MAOA: variants seen among roughly 807,000 people sequenced by gnomAD.
The protein encoded by MAOA is amine oxidase [flavin-containing] A.
Under a neutral mutation model 42.0 loss-of-function variants are expected in MAOA, and 6 were observed. The observed-to-expected ratio is 0.14, with a 90% CI of 0.08 to 0.28. MAOA has a LOEUF of 0.28. Ranked by LOEUF, MAOA falls within the 10% of genes least tolerant of loss-of-function variation. The probability of loss-of-function intolerance (pLI) is 1.00; values close to 1 mark genes in which losing one functional copy is unlikely to be tolerated. For missense variants in MAOA, 262 were observed against 422.3 expected (o/e 0.62, Z 3.33); for synonymous variants, 140 against 154.0 (o/e 0.91, Z 0.67).
intron 1 of MAOA, among the ~76,000 whole-genome samples, chrX:43,664,255 A>G (rs917100150): frequency 8.9e-6 from 1 of 112,434 alleles, no homozygotes; most frequent in Admixed American, 9.4e-5. Flanking sequence ...CATGTTTTGA[A>G]AAGAAAGAAT....
intron 1 of MAOA, among the ~76,000 whole-genome samples, chrX:43,658,460 C>A (rs986233558): frequency 5.4e-5 from 6 of 111,682 alleles, no homozygotes; most frequent in Non-Finnish European, 7.5e-5. Context: ...AAATAAATAA[C>A]CAGTTTCATA....
At chrX:43,665,117 C>T (rs953443753) in intron 1 of MAOA, among the ~76,000 whole-genome samples, 2 of 112,080 alleles carry the variant, frequency 1.8e-5, no homozygotes, top group African/African-American at 6.5e-5. Context: ...ACATGCTCAG[C>T]TTGTGCTCTG....
chrX:43,706,044 T>C (rs2033656916), intron 3 of MAOA, among the ~76,000 whole-genome samples: 1 of 111,883 alleles, frequency 8.9e-6, no homozygotes, highest in African/African-American at 3.2e-5. Context: ...CTTTGGAAAA[T>C]AGTTTGGCAG....
At chrX:43,706,342 A>AT (rs1569196365) in intron 3 of MAOA, among the ~76,000 whole-genome samples, 2 of 112,164 alleles carry the variant, frequency 1.8e-5, no homozygotes, top group Non-Finnish European at 3.8e-5. Flanking sequence ...GAGGAAAACT[A>AT]TTTTTTTAAA....
At chrX:43,707,436 G>A (rs967541193) in intron 3 of MAOA, among the ~76,000 whole-genome samples, 9 of 111,560 alleles carry the variant, frequency 8.1e-5, no homozygotes, top group African/African-American at 2.9e-4. Context: ...CATTTGAGTG[G>A]GACTGTTAAA....
At position 43,728,184 on chromosome X, in the gene MAOA, G is replaced by T; in HGVS notation, c.515G>T (p.Arg172Leu). The T allele has an allele frequency of 8.3e-7, 1 of 1,210,514 alleles. No homozygotes were observed. Among genetic ancestry groups the T allele is most frequent in the Non-Finnish European group, 1.1e-6 (1 of 894,552 alleles). The change falls in exon 6 of 15, where the codon CGG becomes CTG. Residue 172 changes from arginine to leucine, a missense_variant. Around this residue, in one of 3 missense-constraint regions of MAOA, gnomAD observed 141 missense variants for 195.6 expected, o/e 0.72. Coordinates refer to ENST00000338702, the MANE Select transcript of MAOA (RefSeq NM_000240.4). ...TGTTCTATGAACAGGACTGCTAGGC[G>T]GTTTGCTTATCTTTTTGTGAATATC... ...DKICWTKTAR[R>L]FAYLFVNINV...
intron 1 of MAOA, among the ~76,000 whole-genome samples, chrX:43,656,762 CTG>C (rs2033183540): frequency 9.0e-6 from 1 of 110,965 alleles, no homozygotes; most frequent in South Asian, 3.8e-4. Flanking sequence ...AACCAAGAAA[CTG>C]AGGTCTGGGG....
chrX:43,736,386 A>C (rs2033920332), intron 10 of MAOA, 106 bp downstream of exon 10: 1 of 504,821 alleles, frequency 2.0e-6, no homozygotes. Context: ...CTTCACAAAT[A>C]TTCTCAAAAT....
chrX:43,726,587 A>G (rs1569199990), intron 5 of MAOA, among the ~76,000 whole-genome samples: 1 of 111,692 alleles, frequency 9.0e-6, no homozygotes, highest in South Asian at 3.8e-4. Context: ...CCTTTTTTCA[A>G]GGTTCTTAGC....
chrX:43,678,604 AT>A (rs1264382380), intron 1 of MAOA, among the ~76,000 whole-genome samples: 1 of 111,454 alleles, frequency 9.0e-6, no homozygotes, highest in Non-Finnish European at 1.9e-5. Context: ...TTAAGATATC[AT>A]TTTTTTTCTA....
intron 9 of MAOA, among the ~76,000 whole-genome samples, chrX:43,733,393 A>G (rs916740404): frequency 5.4e-5 from 6 of 111,175 alleles, no homozygotes; most frequent in Non-Finnish European, 1.1e-4. Context: ...TGTGCGGATG[A>G]CCCAGGGCCT....
intron 1 of MAOA, among the ~76,000 whole-genome samples, chrX:43,676,040 C>T (rs1384991896): frequency 8.9e-6 from 1 of 112,299 alleles, no homozygotes; most frequent in Admixed American, 9.4e-5. Context: ...GTGCCCTGCC[C>T]CCAGAGTTGG....
In MAOA at chrX:43,681,827, G is replaced by T. The variant is rs752060161; in HGVS notation, c.74-1686G>T. The stretch of plus-strand genomic sequence containing the variant: ...AAGACAGAATTTGAAGTACAAAAAT[G>T]AATGTGGATTTAAAAATAAATGTAT... On this transcript the variant is annotated intron_variant, in intron 1 of 14. Coordinates refer to ENST00000338702, the MANE Select transcript of MAOA (RefSeq NM_000240.4). Among the ~76,000 whole-genome samples the T allele has an allele frequency of 2.7e-4, 29 of 107,971 alleles. No homozygotes were observed. The South Asian group carries it at 7.0e-3, about 26-fold the overall frequency. The allele number at this position is 107,971 out of a possible 115,157, so 93.8% of individuals were successfully genotyped here. A position where few individuals can be genotyped will look rare whatever the true frequency, so the allele number is the denominator to read the frequency against.
chrX:43,731,602 T>C, intron 7 of MAOA, 92 bp from the exon 8 acceptor site: 7 of 960,850 alleles, frequency 7.3e-6, no homozygotes, highest in Middle Eastern at 2.6e-4. Flanking sequence ...TACTGCTCAA[T>C]GTTGTTTAGA....
At chrX:43,657,991 G>A (rs944800596) in intron 1 of MAOA, 26 of 637,147 alleles carry the variant, frequency 4.1e-5, no homozygotes, top group Non-Finnish European at 4.7e-5. Context: ...GAGTATTTCA[G>A]CTTGTTTCTC....
intron 6 of MAOA, among the ~76,000 whole-genome samples, chrX:43,729,934 C>A (rs2033867041): frequency 9.0e-6 from 1 of 111,196 alleles, no homozygotes; most frequent in Admixed American, 9.6e-5. Flanking sequence ...TGGCTCACAC[C>A]TGTAATCCCA....
At chrX:43,718,261 G>A (rs2033760302) in intron 5 of MAOA, among the ~76,000 whole-genome samples, 1 of 106,398 alleles carries the variant, frequency 9.4e-6, no homozygotes, top group Admixed American at 1.0e-4. Flanking sequence ...TTAGAGAGAT[G>A]GTGTCTTCCA....
chrX:43,741,911 TG>T (rs777681456), intron 11 of MAOA, 38 bp from the exon 12 acceptor site: 2 of 1,209,863 alleles, frequency 1.7e-6, no homozygotes, highest in South Asian at 3.5e-5. Flanking sequence ...ATTTCAGCTT[TG>T]TTTTCTCTTT....
chrX:43,701,701 CT>C (rs2033626188), intron 3 of MAOA, among the ~76,000 whole-genome samples: 1 of 112,082 alleles, frequency 8.9e-6, no homozygotes, highest in Non-Finnish European at 1.9e-5. Context: ...GGCTGAGGGA[CT>C]TTGTGATCAC....
Sources: gnomAD v4.1 joint callset for allele counts (sites outside exome capture counted in the v4.1 genomes callset) on GRCh38, gnomAD v4.1.1 for gene constraint, gnomAD v4.1.1 regional missense constraint, MANE v1.5 for transcripts, NCBI Gene and HGNC (gene_info 2026-07-23, HGNC 2026-07-21) for gene names.